The following GLB1 variants were observed in gnomAD, a reference collection of about 807,000 sequenced individuals.
GLB1 encodes the protein galactosidase beta 1.
A neutral mutation model predicts 74.0 loss-of-function variants in GLB1; 56 were observed. The observed-to-expected ratio is 0.76, with a 90% CI of 0.61 to 0.94. The LOEUF (loss-of-function observed/expected upper bound fraction) is 0.94. Among genes scored for constraint, GLB1 ranks in the 40% least tolerant of loss-of-function variants. The pLI, the probability that GLB1 is intolerant of heterozygous loss-of-function variation, is 0.00. For synonymous variants in GLB1, 323 were observed against 323.6 expected (o/e 1.00, Z 0.02); for missense variants, 787 against 845.5 (o/e 0.93, Z 0.86).
At chr3:33,077,523 T>C (rs1357046455) in intron 1 of GLB1, 10 of 739,870 alleles carry the variant, frequency 1.4e-5, no homozygotes, top group African/African-American at 1.8e-5. Flanking sequence ...TCCAGAACTC[T>C]GTTCTTTACA....
chr3:32,971,598 C>T, the GLB1 span, among the ~76,000 whole-genome samples: 2 of 152,192 alleles, frequency 1.3e-5, no homozygotes, highest in Non-Finnish European at 2.9e-5. Context: ...CCTCAGCCAG[C>T]GTTTGGTTGT....
intron 1 of GLB1, among the ~76,000 whole-genome samples, chr3:33,077,773 A>T (rs1311996008): frequency 6.7e-6 from 1 of 149,734 alleles, no homozygotes; most frequent in African/African-American, 2.5e-5. Flanking sequence ...CTGTAAAAAT[A>T]CTCCCTTTTC....
the GLB1 span, among the ~76,000 whole-genome samples, chr3:32,976,003 G>A: frequency 6.6e-6 from 1 of 152,150 alleles, no homozygotes; most frequent in Non-Finnish European, 1.5e-5. Context: ...CCCCCAGAAG[G>A]CAGGGGCTTA....
intron 1 of GLB1, among the ~76,000 whole-genome samples, chr3:33,073,955 T>C (rs1466511327): frequency 1.3e-5 from 2 of 148,930 alleles, no homozygotes; most frequent in African/African-American, 2.5e-5. Context: ...GCCCAGAAGG[T>C]TGAGAGTGCA....
chr3:33,021,050 T>G (rs1223842564), intron 12 of GLB1, among the ~76,000 whole-genome samples: 5 of 142,836 alleles, frequency 3.5e-5, no homozygotes, highest in Admixed American at 7.2e-5. Context: ...AAAATAAAGA[T>G]GAGGCAGTGT....
At chr3:32,986,632 C>T in the GLB1 span, among the ~76,000 whole-genome samples, 2 of 150,850 alleles carry the variant, frequency 1.3e-5, no homozygotes, top group Admixed American at 6.6e-5. Context: ...GCTCTGTCTC[C>T]CAGGCTGGAG....
intron 1 of GLB1, among the ~76,000 whole-genome samples, chr3:33,081,797 C>T (rs750740797): frequency 6.6e-6 from 1 of 152,232 alleles, no homozygotes; most frequent in African/African-American, 2.4e-5. Context: ...TGCAGTGGCT[C>T]ATAAGCCACA....
chr3:33,076,969 AT>A, intron 1 of GLB1: 4 of 962,936 alleles, frequency 4.2e-6, no homozygotes, highest in Non-Finnish European at 4.1e-6. Context: ...CATGCCTGTA[AT>A]CCCAGCAATT....
At chr3:33,009,157 A>AT (rs71070111) in intron 15 of GLB1, among the ~76,000 whole-genome samples, 34 of 149,070 alleles carry the variant, frequency 2.3e-4, no homozygotes, top group South Asian at 8.8e-4. Flanking sequence ...AAATAAATAA[A>AT]AAAGATTGTG....
At chr3:33,047,610 T>C (rs1343093830) in intron 9 of GLB1, among the ~76,000 whole-genome samples, 4 of 152,236 alleles carry the variant, frequency 2.6e-5, no homozygotes, top group African/African-American at 9.6e-5. Context: ...ACCTAATTTG[T>C]ACATCAATGA....
chr3:33,003,687 G>A (rs1275956759), intron 15 of GLB1, among the ~76,000 whole-genome samples: 5 of 152,208 alleles, frequency 3.3e-5, no homozygotes, highest in African/African-American at 1.2e-4. Flanking sequence ...GTTAAGACCT[G>A]TGGGATATTG....
the GLB1 span, among the ~76,000 whole-genome samples, chr3:32,986,831 T>C: frequency 6.6e-6 from 1 of 152,126 alleles, no homozygotes; most frequent in Admixed American, 6.6e-5. Flanking sequence ...CCTCAGATGA[T>C]CCACTCGCCT....
downstream of GLB1, among the ~76,000 whole-genome samples, chr3:32,992,039 A>G (rs1341995564): frequency 6.6e-6 from 1 of 152,272 alleles, no homozygotes; most frequent in East Asian, 1.9e-4. Context: ...AAAGTTGCTT[A>G]CGTTTTGAGA....
Position 33,023,957 on chromosome 3 carries a change from ACACTGTTTAAAC to A in GLB1, c.1143+282_1143+293del, listed in dbSNP as rs930968089. On this transcript the variant is annotated intron_variant, in intron 11 of 15. Transcript: ENST00000307363. ...CATGTTATTTCCACAAAGGCACTTG[ACACTGTTTAAAC>A]CACTGATAAAGGAACCAAGATGACC... Among the ~76,000 whole-genome samples the A allele has an allele frequency of 3.7e-4, 57 of 152,330 alleles. 1 individual carries two copies. The highest frequency in any genetic ancestry group is 1.3e-3 in the African/African-American group (52 of 41,580).
chr3:33,075,255 G>T (rs1284438820), intron 1 of GLB1, among the ~76,000 whole-genome samples: 4 of 152,204 alleles, frequency 2.6e-5, no homozygotes, highest in Admixed American at 6.5e-5. Context: ...TCATTAGACA[G>T]GTAGAAAGGA....
the GLB1 span, among the ~76,000 whole-genome samples, chr3:32,962,193 TA>T: frequency 6.7e-6 from 1 of 148,692 alleles, no homozygotes. Context: ...GACTACATAT[TA>T]AAAAAAAAAG....
chr3:33,032,775 G>A (rs778270326), intron 10 of GLB1, among the ~76,000 whole-genome samples: 4 of 152,112 alleles, frequency 2.6e-5, no homozygotes, highest in Admixed American at 6.5e-5. Flanking sequence ...TGCCCCTGCC[G>A]TCATCTCATT....
chr3:33,074,409 A>AAAGAAAGAAAGAAAGAAAGAAAGAAAG (rs1559413033), intron 1 of GLB1, among the ~76,000 whole-genome samples: 3 of 115,120 alleles, frequency 2.6e-5, no homozygotes, highest in African/African-American at 5.7e-5. Context: ...AGAAAGAAAG[A>AAAGAAAGAAAGAAAGAAAGAAAGAAAG]ATATTACACA....
At chr3:32,970,505 C>T in the GLB1 span, among the ~76,000 whole-genome samples, 1 of 152,132 alleles carries the variant, frequency 6.6e-6, no homozygotes, top group South Asian at 2.1e-4. Context: ...AAAAGAATGC[C>T]TATAAGTCTA....
Sources: gnomAD v4.1 joint callset for allele counts (sites outside exome capture counted in the v4.1 genomes callset) on GRCh38, gnomAD v4.1.1 for gene constraint, MANE v1.5 for transcripts, NCBI Gene and HGNC (gene_info 2026-07-23, HGNC 2026-07-21) for gene names.